Variants in LRR1 observed in about 807,000 individuals in gnomAD.
The protein encoded by LRR1 is leucine rich repeat protein 1.
In LRR1, 29 loss-of-function variants were observed where a neutral mutation model predicts 31.6. That is an observed-to-expected ratio of 0.92 (90% confidence interval 0.68 to 1.25). The LOEUF is 1.25. Among genes scored for constraint, LRR1 ranks in the 50% most tolerant of loss-of-function variants. The pLI is 0.00. For synonymous variants in LRR1, 179 were observed against 181.4 expected, an observed-to-expected ratio of 0.99 and a Z score of 0.10; for missense variants, 485 against 487.2, an observed-to-expected ratio of 1.00 and a Z score of 0.04.
intron 2 of LRR1, chr14:49,603,755 G>A (rs112708756): frequency 0.23 from 211,962 of 936,192 alleles, 24,812 homozygotes; most frequent in Admixed American, 0.32. Context: ...TTACAGTGGC[G>A]TGATCTCAGC....
At position 49,600,457 on chromosome 14, in the gene LRR1, T is replaced by C. The variant is rs980073979; in HGVS notation, c.183+1254T>C. ...CAAGGACAGAAACTAGCAAAAGAGATAGGAGCATGCTGCTATGTGGAATGT... is the reference window on the plus strand; with the variant it reads ...CAAGGACAGAAACTAGCAAAAGAGACAGGAGCATGCTGCTATGTGGAATGT... On this transcript the variant is annotated intron_variant, in intron 1 of 3. Coordinates refer to ENST00000298288, the MANE Select transcript of LRR1 (RefSeq NM_152329.4). 4 of 1,591,164 alleles carry C rather than the reference T, an allele frequency of 2.5e-6. No homozygotes were observed. In the African/African-American group the frequency reaches 4.0e-5, roughly 16 times the overall value.
At chr14:49,608,877 C>A (rs1266738783) in intron 3 of LRR1, among the ~76,000 whole-genome samples, 1 of 148,926 alleles carries the variant, frequency 6.7e-6, no homozygotes. Flanking sequence ...CCTGGCTTCA[C>A]CACTTTGTAT....
intron 1 of LRR1, 150 bp downstream of exon 1, chr14:49,599,353 C>T (rs1361221131): frequency 1.2e-6 from 1 of 860,034 alleles, no homozygotes; most frequent in South Asian, 1.9e-5. Context: ...CTACCATCAG[C>T]CCGACCCCAG....
intron 3 of LRR1, among the ~76,000 whole-genome samples, chr14:49,613,163 C>A (rs982884969): frequency 1.3e-5 from 2 of 152,028 alleles, no homozygotes; most frequent in African/African-American, 4.8e-5. Context: ...CATGGTGAAA[C>A]CCTGCCTCTA....
In LRR1 at chr14:49,614,396, C is replaced by A; in HGVS notation, c.1145C>A (p.Thr382Asn). 6.2e-7 allele frequency: 1 copy of A among 1,614,006 alleles called. No individual in the cohort carries two copies. The highest frequency in any genetic ancestry group is 1.1e-5 in the South Asian group (1 of 91,080). ...TTMNLHSVAH[T>N]VVLVDNLGGT... ...ATGAATCTGCATTCTGTTGCCCACA[C>A]TGTGGTCTTAGTAGATAATTTGGGT... Residue 382 changes from threonine (T) to asparagine (N), a missense_variant, in exon 4 of 4, where the codon ACT (threonine) becomes AAT (asparagine). Thr to Asn is a moderately conservative substitution (Grantham distance 65, BLOSUM62 0). This residue lies in a region of LRR1 where 210 missense variants were observed against 200.4 expected (regional missense o/e 1.05). Coordinates refer to ENST00000298288, the MANE Select transcript of LRR1 (RefSeq NM_152329.4).
rs1366354551 is a variant in LRR1 at position 49,605,947 on chromosome 14, A to G, written c.283-1453A>G. On this transcript the variant is annotated intron_variant, in intron 2 of 3. Transcript: ENST00000298288. The stretch of plus-strand genomic sequence containing the variant: ...CCACTTTACGTTGGCATCTGAGCTC[A>G]TTTACAATCTGTCCTCATACTGTAT... Among the ~76,000 whole-genome samples, 47 of 151,324 alleles carry G rather than the reference A, an allele frequency of 3.1e-4. 1 individual carries two copies. Among genetic ancestry groups the G allele is most frequent in the Admixed American group, 6.6e-4 (10 of 15,162 alleles).
At chr14:49,610,305 C>T (rs1400418616) in intron 3 of LRR1, among the ~76,000 whole-genome samples, 2 of 15,552 alleles carry the variant, frequency 1.3e-4, no homozygotes, top group South Asian at 1.8e-3. Flanking sequence ...GAGTGCAGTG[C>T]GCAAGCGGCT....
chr14:49,605,552 G>T (rs1465177919), intron 2 of LRR1, among the ~76,000 whole-genome samples: 1 of 152,102 alleles, frequency 6.6e-6, no homozygotes, highest in Non-Finnish European at 1.5e-5. Context: ...TTTGCACTCT[G>T]TAGAATTTGA....
chr14:49,603,763 A>G (rs1055762575), intron 2 of LRR1: 28 of 908,154 alleles, frequency 3.1e-5, no homozygotes, highest in Non-Finnish European at 3.4e-5. Flanking sequence ...GCGTGATCTC[A>G]GCTCACTGCA....
Position 49,604,167 on chromosome 14 carries a change from G to A in LRR1, c.282+1699G>A, listed in dbSNP as rs147246599. Among the ~76,000 whole-genome samples the A allele has an allele frequency of 3.9e-3, 597 of 151,732 alleles. 7 individuals carry two copies. The highest frequency in any genetic ancestry group is 6.5e-3 in the South Asian group (31 of 4,802). ...AAAAAAAAAAAAAAATTAGCCAGGCGTGGTTTTCACACCTGTGGTGCCAGC... is the reference window on the plus strand; with the variant it reads ...AAAAAAAAAAAAAAATTAGCCAGGCATGGTTTTCACACCTGTGGTGCCAGC... On this transcript the variant is annotated intron_variant, in intron 2 of 3. Coordinates refer to ENST00000298288, the MANE Select transcript of LRR1 (RefSeq NM_152329.4).
At chr14:49,601,078 A>G in intron 1 of LRR1, 1 of 1,611,526 alleles carries the variant, frequency 6.2e-7, no homozygotes, top group African/African-American at 1.3e-5. Flanking sequence ...AAGGCCAGCC[A>G]CGTAGCCAAA....
intron 2 of LRR1, among the ~76,000 whole-genome samples, chr14:49,603,249 A>G (rs1882140056): frequency 6.6e-6 from 1 of 152,182 alleles, no homozygotes; most frequent in African/African-American, 2.4e-5. Context: ...ATGGCACAAG[A>G]GGCAGCTTCC....
At position 49,599,132 on chromosome 14, in the gene LRR1, A is replaced by G. The variant is rs1244481844; in HGVS notation, c.112A>G (p.Arg38Gly). 6.2e-7 allele frequency: 1 copy of G among 1,608,578 alleles called. No individual in the cohort carries two copies. Among genetic ancestry groups the G allele is most frequent in the East Asian group, 2.2e-5 (1 of 44,684 alleles). The part of the protein sequence containing the change: ...AVLSLCQQTS[R>G]SQPPVRAFLL... Reference sequence around the variant, plus strand: ...GTTGAGCCTCTGTCAGCAGACTTCCAGGAGTCAGCCGCCGGTCCGAGCCTT... The same window carrying G: ...GTTGAGCCTCTGTCAGCAGACTTCCGGGAGTCAGCCGCCGGTCCGAGCCTT... Residue 38 changes from arginine to glycine, a missense_variant, in exon 1 of 4, where the codon AGG (arginine) becomes GGG (glycine). Physicochemically the swap from Arg to Gly is moderately radical, Grantham distance 125. Transcript: ENST00000298288.
chr14:49,611,082 G>T (rs1374231678), intron 3 of LRR1, among the ~76,000 whole-genome samples: 3 of 152,166 alleles, frequency 2.0e-5, no homozygotes, highest in African/African-American at 7.2e-5. Flanking sequence ...CTGAAACCCA[G>T]TCCAGTCCTC....
intron 3 of LRR1, among the ~76,000 whole-genome samples, chr14:49,612,250 A>G (rs537083865): frequency 6.6e-6 from 1 of 152,262 alleles, no homozygotes; most frequent in Admixed American, 6.5e-5. Flanking sequence ...AGATGACTGA[A>G]CCTTTGTTGA....
intron 1 of LRR1, chr14:49,600,797 C>T (rs1441119885): frequency 1.2e-6 from 1 of 809,536 alleles, no homozygotes; most frequent in East Asian, 2.7e-5. Context: ...AAGCAGTAAG[C>T]AGCATCTGAA....
chr14:49,611,332 G>A (rs1032668143), intron 3 of LRR1, among the ~76,000 whole-genome samples: 2 of 151,992 alleles, frequency 1.3e-5, no homozygotes, highest in African/African-American at 2.4e-5. Flanking sequence ...AAAATTAGCC[G>A]GGCATGGTGG....
chr14:49,604,095 G>A (rs1318167963), intron 2 of LRR1, among the ~76,000 whole-genome samples: 1 of 150,016 alleles, frequency 6.7e-6, no homozygotes, highest in Non-Finnish European at 1.5e-5. Flanking sequence ...TTGCTCTCAG[G>A]AGTTCAAGAC....
chr14:49,607,786 A>C lies in LRR1; in HGVS notation c.669A>C (p.Thr223=), dbSNP rs199968488. ...ESFSVALCHS[T]LQKSLRSLDL... is the part of the protein sequence containing the mutation. The stretch of plus-strand genomic sequence containing the variant: ...TTAGTGTAGCCTTGTGTCATTCTAC[A>C]CTCCAGAAGTCACTTCGGAGTTTGG... Residue 223 remains threonine (T), a synonymous_variant, in exon 3 of 4, where the codon ACA becomes ACC. Transcript: ENST00000298288. 18 of 1,614,044 alleles carry C rather than the reference A, an allele frequency of 1.1e-5. No individual in the cohort carries two copies. The highest frequency in any genetic ancestry group is 1.4e-5 in the Non-Finnish European group (17 of 1,179,958).
Sources: gnomAD v4.1 joint callset for allele counts (sites outside exome capture counted in the v4.1 genomes callset) on GRCh38, gnomAD v4.1.1 for gene constraint, gnomAD v4.1.1 regional missense constraint, MANE v1.5 for transcripts, NCBI Gene and HGNC (gene_info 2026-07-23, HGNC 2026-07-21) for gene names.